ZKSCAN3: variants seen among roughly 807,000 people sequenced by gnomAD.
ZKSCAN3 encodes the protein zinc finger with KRAB and SCAN domains 3.
A neutral mutation model predicts 30.7 loss-of-function variants in ZKSCAN3; 21 were observed. That is an observed-to-expected ratio of 0.68 (90% confidence interval 0.49 to 0.99). The LOEUF (loss-of-function observed/expected upper bound fraction) is 0.99. ZKSCAN3 is among the 50% of genes least tolerant of loss of function. The probability of loss-of-function intolerance (pLI) is 0.00; values close to 1 mark genes in which losing one functional copy is unlikely to be tolerated. For synonymous variants in ZKSCAN3, 201 were observed against 246.7 expected (o/e 0.81, Z 1.73); for missense variants, 507 against 647.1 (o/e 0.78, Z 2.35).
chr6:28,359,801 G>A lies in ZKSCAN3; in HGVS notation c.215G>A (p.Arg72Gln), dbSNP rs371849975. 15 of 1,614,086 alleles carry A rather than the reference G, an allele frequency of 9.3e-6. No homozygotes were observed. The African/African-American group carries it at 1.5e-4, about 16-fold the overall frequency. ...EALSRLRELC[R>Q]QWLQPEMHSK... ...CTGAGTCGGCTCCGAGAGCTCTGCC[G>A]ACAGTGGCTGCAGCCTGAGATGCAC... The change falls in exon 2 of 6, where the codon CGA becomes CAA. Residue 72 changes from arginine (R) to glutamine (Q), a missense_variant. By Grantham distance (43) the Arg-to-Gln change is conservative. Transcript: ENST00000252211.
intron 5 of ZKSCAN3, 31 bp downstream of exon 5, chr6:28,363,846 G>T (rs1398946357): frequency 1.2e-6 from 2 of 1,608,946 alleles, no homozygotes; most frequent in Non-Finnish European, 1.7e-6. Flanking sequence ...TTTCTGTTAA[G>T]GTTTCTTGGC....
In ZKSCAN3 at chr6:28,363,404, C is replaced by G; in HGVS notation, c.633+19C>G. On this transcript the variant is annotated intron_variant, in intron 4 of 5. Transcript: ENST00000252211. ...GTCCCAGGTGAGCTGGAGCCCTATC[C>G]CTCCCCCAATGCCCCTCACTACTAT... 6.2e-7 allele frequency: 1 copy of G among 1,610,162 alleles called. No individual in the cohort carries two copies. Among genetic ancestry groups the G allele is most frequent in the Non-Finnish European group, 8.5e-7 (1 of 1,177,226 alleles).
rs1766065939 is a variant in ZKSCAN3, at chr6:28,368,602, CTA to C, written c.*2319_*2320del. ...TTTCTACAAAAGTATTTCGGAATGA[CTA>C]TTCTGCTGCAAACTTTTGTGTAAGC... On this transcript the variant is annotated 3_prime_UTR_variant, in exon 6 of 6. Coordinates refer to ENST00000252211, the MANE Select transcript of ZKSCAN3 (RefSeq NM_024493.4). 1 of 147,456 alleles carries C rather than the reference CTA, an allele frequency of 6.8e-6. No homozygotes were observed. The highest frequency in any genetic ancestry group is 2.1e-4 in the South Asian group (1 of 4,716). 9.1% of individuals were successfully genotyped at this position (147,456 alleles called of 1,614,324 possible).
At chr6:28,354,100 T>A (rs746414024) in intron 1 of ZKSCAN3, 4 of 369,808 alleles carry the variant, frequency 1.1e-5, no homozygotes, top group Non-Finnish European at 2.2e-5. Flanking sequence ...ACAGCTGTAC[T>A]CCTTGGCATG....
At chr6:28,362,686 G>A (rs890524666) in intron 3 of ZKSCAN3, among the ~76,000 whole-genome samples, 1 of 152,130 alleles carries the variant, frequency 6.6e-6, no homozygotes, top group Non-Finnish European at 1.5e-5. Context: ...GCTTCCTGAA[G>A]TTATATAAGG....
At chr6:28,357,433 G>C (rs1341330408) in intron 1 of ZKSCAN3, among the ~76,000 whole-genome samples, 2 of 152,206 alleles carry the variant, frequency 1.3e-5, no homozygotes, top group East Asian at 1.9e-4. Context: ...ACCAGATTAT[G>C]ATGGGAGCTG....
chr6:28,359,936 T>G lies in ZKSCAN3; in HGVS notation c.350T>G (p.Val117Gly). Residue 117 changes from valine to glycine, a missense_variant, in exon 2 of 6, where the codon GTG becomes GGG. Coordinates refer to ENST00000252211, the MANE Select transcript of ZKSCAN3 (RefSeq NM_024493.4). ...REQHPESGEE[V>G]VVLLEYLERQ... ...CAGCATCCAGAGAGCGGGGAGGAGG[T>G]GGTGGTGCTATTGGAGTATTTGGAG... 3.1e-6 allele frequency: 5 copies of G among 1,613,168 alleles called. No homozygotes were observed. Among genetic ancestry groups the G allele is most frequent in the Non-Finnish European group, 4.2e-6 (5 of 1,179,790 alleles).
chr6:28,361,333 G>A lies in ZKSCAN3; in HGVS notation c.412G>A (p.Val138Ile), dbSNP rs945415420. 3.1e-6 allele frequency: 5 copies of A among 1,612,294 alleles called. No individual in the cohort carries two copies. The highest frequency in any genetic ancestry group is 1.1e-5 in the South Asian group (1 of 90,476). ...LDEPAPQVSGVDQGQELLCCK... is the reference protein window; with the variant it reads ...LDEPAPQVSGIDQGQELLCCK... ...AACAAATGATTTCTAGGTTTCAGGT[G>A]TTGACCAGGGGCAAGAACTGCTCTG... Residue 138 changes from valine (V) to isoleucine (I), a missense_variant, in exon 3 of 6, where the codon GTT (valine) becomes ATT (isoleucine). Coordinates refer to ENST00000252211, the MANE Select transcript of ZKSCAN3 (RefSeq NM_024493.4).
At chr6:28,360,970 T>A (rs1419729221) in intron 2 of ZKSCAN3, among the ~76,000 whole-genome samples, 2 of 151,988 alleles carry the variant, frequency 1.3e-5, no homozygotes, top group African/African-American at 4.8e-5. Context: ...CCTTTTCAGA[T>A]AATAAAAGGT....
At chr6:28,355,561 G>C (rs75521677) in intron 1 of ZKSCAN3, 1 of 152,142 alleles carries the variant, frequency 6.6e-6, no homozygotes, top group Non-Finnish European at 1.5e-5. Context: ...TGGGTGCCCC[G>C]ATCAGCTACC....
At chr6:28,364,767 G>A (rs755628711) in intron 5 of ZKSCAN3, among the ~76,000 whole-genome samples, 1 of 151,928 alleles carries the variant, frequency 6.6e-6, no homozygotes, top group Non-Finnish European at 1.5e-5. Flanking sequence ...TCACTCTGTC[G>A]CCCAGGCTGG....
At chr6:28,358,075 C>T (rs1273049169) in intron 1 of ZKSCAN3, among the ~76,000 whole-genome samples, 2 of 152,236 alleles carry the variant, frequency 1.3e-5, no homozygotes, top group African/African-American at 4.8e-5. Flanking sequence ...CCATCCTTCA[C>T]TATCTGTGGG....
intron 1 of ZKSCAN3, chr6:28,356,268 C>G (rs950157098): frequency 6.6e-6 from 1 of 152,260 alleles, no homozygotes; most frequent in African/African-American, 2.4e-5. Flanking sequence ...AGTTGCCCAG[C>G]AATGTCCTTT....
At chr6:28,360,496 T>C in intron 2 of ZKSCAN3, 3 of 841,872 alleles carry the variant, frequency 3.6e-6, no homozygotes, top group Non-Finnish European at 4.3e-6. Context: ...GCTTTTGTCC[T>C]GTTCAAGTTC....
chr6:28,366,445 G>A lies in ZKSCAN3; in HGVS notation c.*160G>A. On this transcript the variant is annotated 3_prime_UTR_variant, in exon 6 of 6. Coordinates refer to ENST00000252211, the MANE Select transcript of ZKSCAN3 (RefSeq NM_024493.4). ...CTGGGTTAGACAAATTATCTTCTAA[G>A]TTCTAGAAGGGGTTTGTAATCAAAA... 1 of 747,278 alleles carries A rather than the reference G, an allele frequency of 1.3e-6. No homozygotes were observed. The highest frequency in any genetic ancestry group is 2.0e-6 in the Non-Finnish European group (1 of 510,888). The allele number at this position is 747,278 out of a possible 1,614,324, so 46.3% of individuals were successfully genotyped here. A position where few individuals can be genotyped will look rare whatever the true frequency, so the allele number is the denominator to read the frequency against.
At chr6:28,355,083 C>T (rs2113904592) in intron 1 of ZKSCAN3, among the ~76,000 whole-genome samples, 1 of 152,298 alleles carries the variant, frequency 6.6e-6, no homozygotes, top group South Asian at 2.1e-4. Context: ...TACCATGCCC[C>T]ATTGGGAATG....
At chr6:28,360,070 A>G in intron 2 of ZKSCAN3, 82 bp downstream of exon 2, 1 of 1,608,150 alleles carries the variant, frequency 6.2e-7, no homozygotes, top group Non-Finnish European at 8.5e-7. Flanking sequence ...GCATTCCTTT[A>G]ACATCCAGGA....
intron 2 of ZKSCAN3, chr6:28,360,627 T>A: frequency 1.0e-6 from 1 of 985,416 alleles, no homozygotes; most frequent in Non-Finnish European, 1.2e-6. Flanking sequence ...TGCATCATCC[T>A]GTGTCCCTGT....
At chr6:28,363,469 C>A in intron 4 of ZKSCAN3, 84 bp downstream of exon 4, 2 of 1,384,522 alleles carry the variant, frequency 1.4e-6, no homozygotes, top group South Asian at 2.5e-5. Flanking sequence ...CATTCCCCTC[C>A]ACCCCAATCC....
Sources: allele counts gnomAD v4.1 joint callset (sites outside exome capture counted in the v4.1 genomes callset), GRCh38; gene constraint gnomAD v4.1.1; transcripts MANE v1.5; gene names NCBI Gene and HGNC (gene_info 2026-07-23, HGNC 2026-07-21).